PLCXD2: variants seen among roughly 807,000 people sequenced by gnomAD.
PLCXD2 encodes PI-PLC X domain-containing protein 2.
In PLCXD2, 21 loss-of-function variants were observed where a neutral mutation model predicts 28.6. The ratio of observed to expected loss-of-function variants is 0.73; its 90% CI spans 0.52 to 1.06. The LOEUF (loss-of-function observed/expected upper bound fraction) is 1.06, where lower values mean the gene tolerates loss of function less well. PLCXD2 is among the 50% of genes least tolerant of loss of function. The pLI is 0.00. For missense variants in PLCXD2, 369 were observed against 376.7 expected (o/e 0.98, Z 0.17); for synonymous variants, 140 against 150.1 (o/e 0.93, Z 0.49).
At chr3:111,706,812 C>CAAAAAAAAAAAAAAAAAAAAA (rs34217304) in intron 1 of PLCXD2, among the ~76,000 whole-genome samples, 1 of 115,052 alleles carries the variant, frequency 8.7e-6, no homozygotes, top group Non-Finnish European at 1.9e-5. Context: ...GACTTTAAGG[C>CAAAAAAAAAAAAAAAAAAAAA]AAAAAAAAAA....
At chr3:111,705,453 T>C (rs2107860136) in intron 1 of PLCXD2, among the ~76,000 whole-genome samples, 1 of 152,312 alleles carries the variant, frequency 6.6e-6, no homozygotes, top group South Asian at 2.1e-4. Context: ...CTATTGTGAA[T>C]AGTGCTGCAG....
intron 3 of PLCXD2, among the ~76,000 whole-genome samples, chr3:111,715,836 T>C (rs1476278320): frequency 6.6e-6 from 1 of 152,242 alleles, no homozygotes; most frequent in African/African-American, 2.4e-5. Context: ...GTGCTTATTC[T>C]TTTCTGTTCC....
At chr3:111,722,296 G>C (rs866583057) in intron 3 of PLCXD2, 2 of 152,002 alleles carry the variant, frequency 1.3e-5, no homozygotes, top group Non-Finnish European at 2.9e-5. Context: ...CAGGATAGAT[G>C]CTGCTATGGT....
chr3:111,713,362 C>G (rs1198721411), intron 2 of PLCXD2, among the ~76,000 whole-genome samples: 1 of 152,218 alleles, frequency 6.6e-6, no homozygotes, highest in Non-Finnish European at 1.5e-5. Flanking sequence ...ACAATCTTAG[C>G]CCTGCCTGAT....
At chr3:111,695,347 A>G (rs990311943) in intron 1 of PLCXD2, among the ~76,000 whole-genome samples, 2 of 152,336 alleles carry the variant, frequency 1.3e-5, no homozygotes, top group East Asian at 1.9e-4. Flanking sequence ...AACCCTATAC[A>G]TCCTGTAATT....
intron 1 of PLCXD2, among the ~76,000 whole-genome samples, chr3:111,682,599 G>A (rs1342099650): frequency 6.6e-6 from 1 of 152,138 alleles, no homozygotes; most frequent in Non-Finnish European, 1.5e-5. Context: ...CAGTAGTGGT[G>A]GAACTGAAAA....
Position 111,700,326 on chromosome 3 carries a change from CAG to C in PLCXD2, c.164-7599_164-7598del, listed in dbSNP as rs535274042. 9.9e-5 allele frequency among the ~76,000 whole-genome samples: 15 copies of C among 152,156 alleles called. No individual in the cohort carries two copies. The East Asian group carries it at 1.2e-3, about 12-fold the overall frequency. The stretch of plus-strand genomic sequence containing the variant: ...GACTGTAAAAGAAAATAGGAAGAAA[CAG>C]GGGTAGTAATTGTGAAAATGAAAGG... On this transcript the variant is annotated intron_variant, in intron 1 of 4. Coordinates refer to ENST00000477665, the MANE Select transcript of PLCXD2 (RefSeq NM_001185106.1).
At chr3:111,714,432 G>A (rs896692914) in intron 3 of PLCXD2, among the ~76,000 whole-genome samples, 2 of 152,160 alleles carry the variant, frequency 1.3e-5, no homozygotes, top group African/African-American at 4.8e-5. Flanking sequence ...GGCCACATGG[G>A]GTCCTGCCTG....
chr3:111,703,580 G>C (rs1273272467), intron 1 of PLCXD2, among the ~76,000 whole-genome samples: 1 of 152,212 alleles, frequency 6.6e-6, no homozygotes, highest in Non-Finnish European at 1.5e-5. Flanking sequence ...ATTAAGTTCA[G>C]TATGTGCCTT....
At chr3:111,687,838 T>C (rs566315915) in intron 1 of PLCXD2, among the ~76,000 whole-genome samples, 1 of 152,128 alleles carries the variant, frequency 6.6e-6, no homozygotes, top group African/African-American at 2.4e-5. Context: ...GCACATGCCA[T>C]CACACCTGGC....
At chr3:111,694,176 A>G (rs965246251) in intron 1 of PLCXD2, among the ~76,000 whole-genome samples, 6 of 151,916 alleles carry the variant, frequency 3.9e-5, no homozygotes, top group Non-Finnish European at 8.8e-5. Context: ...CACCCTCCTC[A>G]GCCTTCACTC....
At chr3:111,702,313 G>A (rs1371907034) in intron 1 of PLCXD2, among the ~76,000 whole-genome samples, 3 of 152,030 alleles carry the variant, frequency 2.0e-5, no homozygotes, top group Non-Finnish European at 1.5e-5. Flanking sequence ...GAAGAATATG[G>A]CCATTTGAAT....
At chr3:111,720,416 T>C (rs1941329370) in intron 3 of PLCXD2, among the ~76,000 whole-genome samples, 1 of 152,112 alleles carries the variant, frequency 6.6e-6, no homozygotes, top group Non-Finnish European at 1.5e-5. Context: ...ATTACAGGCA[T>C]GAGCCACCGC....
In PLCXD2 at chr3:111,718,357, C is replaced by A. The variant is rs535910905; in HGVS notation, c.866+4229C>A. Among the ~76,000 whole-genome samples the A allele has an allele frequency of 1.7e-3, 252 of 151,972 alleles. 1 individual carries two copies. Among genetic ancestry groups the A allele is most frequent in the Non-Finnish European group, 2.7e-3 (183 of 67,970 alleles). On this transcript the variant is annotated intron_variant, in intron 3 of 4. Transcript: ENST00000477665. ...GCGGGCGCCTGTAGTCCCAGCTACTCGGGAGGCTGAGGCAGGAGAATGGCG... is the reference window on the plus strand; with the variant it reads ...GCGGGCGCCTGTAGTCCCAGCTACTAGGGAGGCTGAGGCAGGAGAATGGCG...
In PLCXD2 at chr3:111,675,198, T is replaced by C. The variant is rs1415399735; in HGVS notation, c.-48T>C. On this transcript the variant is annotated 5_prime_UTR_variant, in exon 1 of 5. Coordinates refer to ENST00000477665, the MANE Select transcript of PLCXD2 (RefSeq NM_001185106.1). ...ACAGAGCCCAAGAAGTGATGATCAC[T>C]GAGTGAGTGGCACTGGGCTGAGACT... 6.3e-7 allele frequency: 1 copy of C among 1,586,336 alleles called. No individual in the cohort carries two copies. Among genetic ancestry groups the C allele is most frequent in the Non-Finnish European group, 8.6e-7 (1 of 1,161,476 alleles).
At chr3:111,696,009 A>C (rs1390795718) in intron 1 of PLCXD2, among the ~76,000 whole-genome samples, 1 of 152,188 alleles carries the variant, frequency 6.6e-6, no homozygotes, top group African/African-American at 2.4e-5. Context: ...TTAACAACTC[A>C]TGAGGTTGAC....
intron 1 of PLCXD2, among the ~76,000 whole-genome samples, chr3:111,678,403 A>G (rs1376564920): frequency 1.3e-5 from 2 of 152,222 alleles, no homozygotes; most frequent in Admixed American, 6.5e-5. Flanking sequence ...TAAACTCTAC[A>G]AACATTTTCA....
intron 1 of PLCXD2, among the ~76,000 whole-genome samples, chr3:111,677,805 A>G (rs1940647292): frequency 6.6e-6 from 1 of 152,232 alleles, no homozygotes. Context: ...AAGAATTTTT[A>G]AAAGCGAGTG....
At chr3:111,709,467 TACACACACAC>T (rs10655649) in intron 2 of PLCXD2, among the ~76,000 whole-genome samples, 2 of 150,456 alleles carry the variant, frequency 1.3e-5, no homozygotes, top group Non-Finnish European at 3.0e-5. Context: ...TGTGTGTATA[TACACACACAC>T]ACACACGCAC....
Sources: gnomAD v4.1 joint callset for allele counts (sites outside exome capture counted in the v4.1 genomes callset) on GRCh38, gnomAD v4.1.1 for gene constraint, MANE v1.5 for transcripts, NCBI Gene and HGNC (gene_info 2026-07-23, HGNC 2026-07-21) for gene names.